CD63: variants seen among roughly 807,000 people sequenced by gnomAD.
CD63 encodes the protein CD63 molecule.
Under a neutral mutation model 29.2 loss-of-function variants are expected in CD63, and 16 were observed. The ratio of observed to expected loss-of-function variants is 0.55; its 90% CI spans 0.37 to 0.83. CD63 has a LOEUF of 0.83. Ranked by LOEUF, CD63 falls within the 40% of genes least tolerant of loss-of-function variation. The pLI, the probability that CD63 is intolerant of heterozygous loss-of-function variation, is 0.00. For synonymous variants in CD63, 118 were observed against 111.7 expected (o/e 1.06, Z -0.36); for missense variants, 251 against 297.3 (o/e 0.84, Z 1.15).
intron 3 of CD63, 70 bp downstream of exon 3, chr12:55,727,081 C>T (rs1877476538): frequency 6.4e-7 from 1 of 1,565,242 alleles, no homozygotes; most frequent in Non-Finnish European, 8.7e-7. Flanking sequence ...ACCTCACCCA[C>T]CTTCCTGAGC....
Position 55,728,430 on chromosome 12 carries a change from G to A in CD63, c.-11-78C>T, listed in dbSNP as rs1877660477. The A allele has an allele frequency of 1.9e-6, 3 of 1,541,548 alleles. No homozygotes were observed. Among genetic ancestry groups the A allele is most frequent in the Non-Finnish European group, 2.6e-6 (3 of 1,143,828 alleles). On this transcript the variant is annotated intron_variant, in intron 1 of 7. Coordinates refer to ENST00000257857, the MANE Select transcript of CD63 (RefSeq NM_001780.6). This position sits in a 1 kb window ranked among gnomAD's most constrained non-coding sequence, Gnocchi z 4.8. ...GTTTCCGGGCTCCCGGCCGGCCCTC[G>A]AGGGCTTCCCTTCACGGCCCCGATT...
At chr12:55,724,050 G>T (rs987261718), downstream of CD63, 1 of 1,608,664 alleles carries the variant, frequency 6.2e-7, no homozygotes, top group Non-Finnish European at 8.5e-7. Flanking sequence ...CTCACCAAGT[G>T]TGAGTAGCCA....
Position 55,727,158 on chromosome 12 carries a change from A to G in CD63, c.248T>C (p.Met83Thr), listed in dbSNP as rs1414939691. ...CGACKENYCLMITFAIFLSLI... is the reference protein window; with the variant it reads ...CGACKENYCLTITFAIFLSLI... ...GTCCCGCCCCCAACTCACCGTGATC[A>G]TAAGACAATAGTTCTCCTTGCAGGC... Residue 83 changes from methionine (M) to threonine (T), a missense_variant, in exon 3 of 8, where the codon ATG becomes ACG. Physicochemically the swap from Met to Thr is moderately conservative, Grantham distance 81. Transcript: ENST00000257857. 6.8e-6 allele frequency: 11 copies of G among 1,612,942 alleles called. No homozygotes were observed. The highest frequency in any genetic ancestry group is 1.3e-5 in the African/African-American group (1 of 74,834).
At position 55,728,887 on chromosome 12, in the gene CD63, G is replaced by A. The variant is rs896778740; in HGVS notation, c.-12+66C>T. The A allele has an allele frequency of 2.0e-6, 2 of 987,452 alleles. No individual in the cohort carries two copies. Among genetic ancestry groups the A allele is most frequent in the Non-Finnish European group, 2.4e-6 (2 of 830,990 alleles). The allele number at this position is 987,452 out of a possible 1,614,324, so 61.2% of individuals were successfully genotyped here. On this transcript the variant is annotated intron_variant, in intron 1 of 7. Coordinates refer to ENST00000257857, the MANE Select transcript of CD63 (RefSeq NM_001780.6). The surrounding 1 kb of genome is among the most constrained non-coding windows in gnomAD (Gnocchi z 4.8). ...CTCCGCGGGCCTGGGGCGAGCCCTG[G>A]AGGAAGGGACTGCGGGTGGTCTCTC... is the stretch of plus-strand genomic sequence containing the variant.
Position 55,728,463 on chromosome 12 carries a change from C to G in CD63, c.-11-111G>C. Reference sequence around the variant, plus strand: ...CCCTTCACGGCCCCGATTCCCGGCCCCTCCCACCCGGAAACCCGCGGTCGG... The same window carrying G: ...CCCTTCACGGCCCCGATTCCCGGCCGCTCCCACCCGGAAACCCGCGGTCGG... On this transcript the variant is annotated intron_variant, in intron 1 of 7. Coordinates refer to ENST00000257857, the MANE Select transcript of CD63 (RefSeq NM_001780.6). This position sits in a 1 kb window ranked among gnomAD's most constrained non-coding sequence, Gnocchi z 4.8. The G allele has an allele frequency of 1.3e-6, 2 of 1,505,498 alleles. No homozygotes were observed. Among genetic ancestry groups the G allele is most frequent in the South Asian group, 2.5e-5 (2 of 78,616 alleles). 93.3% of individuals were successfully genotyped at this position (1,505,498 alleles called of 1,614,324 possible).
chr12:55,726,331 ATTCT>A, intron 5 of CD63, 70 bp from the exon 6 acceptor site: 13 of 555,226 alleles, frequency 2.3e-5, no homozygotes, highest in East Asian at 1.1e-4. Context: ...GGAGATGAGA[ATTCT>A]TTTTTTTTTT....
Position 55,727,255 on chromosome 12 carries a change from A to C in CD63, c.151T>G (p.Ser51Ala). The C allele has an allele frequency of 6.2e-7, 1 of 1,613,878 alleles. No homozygotes were observed. Reference sequence around the variant, plus strand: ...GCGATGATGACCACTGGCAACAGAGAGCCAGGGGTAGCCCCCTGGATTATG... The same window carrying C: ...GCGATGATGACCACTGGCAACAGAGCGCCAGGGGTAGCCCCCTGGATTATG... ...QTIIQGATPG[S>A]LLPVVIIAVG... Residue 51 changes from serine to alanine, a missense_variant, in exon 3 of 8, where the codon TCT becomes GCT. By Grantham distance (99) the Ser-to-Ala change is moderately conservative. Coordinates refer to ENST00000257857, the MANE Select transcript of CD63 (RefSeq NM_001780.6).
intron 5 of CD63, 104 bp downstream of exon 5, chr12:55,726,596 C>A: frequency 2.2e-6 from 2 of 899,402 alleles, no homozygotes; most frequent in Admixed American, 1.8e-5. Context: ...CTGCCCACCT[C>A]GGCCTTCAAA....
In CD63 at chr12:55,728,724, C is replaced by T; in HGVS notation, c.-12+229G>A. The T allele has an allele frequency of 9.6e-7, 1 of 1,039,192 alleles. No homozygotes were observed. 64.4% of individuals were successfully genotyped at this position (1,039,192 alleles called of 1,614,324 possible). ...AGCCCAACCCCGACCCCCGCCCCAG[C>T]CCCTTTCCCCTGGGCTCTGACCTCC... is the stretch of plus-strand genomic sequence containing the variant. On this transcript the variant is annotated intron_variant, in intron 1 of 7. Coordinates refer to ENST00000257857, the MANE Select transcript of CD63 (RefSeq NM_001780.6). The surrounding 1 kb of genome is among the most constrained non-coding windows in gnomAD (Gnocchi z 4.8).
upstream of CD63, chr12:55,729,631 C>G (rs1030432426): frequency 6.6e-6 from 1 of 152,248 alleles, no homozygotes; most frequent in Admixed American, 6.5e-5. Context: ...TTCTGGCCCC[C>G]CTCTATTAGC....
chr12:55,726,858 G>A (rs774724781), intron 4 of CD63, 32 bp downstream of exon 4: 4 of 1,609,324 alleles, frequency 2.5e-6, no homozygotes, highest in Non-Finnish European at 8.5e-7. Context: ...AGACCCGGCT[G>A]AGGCAGGCCC....
At position 55,728,758 on chromosome 12, in the gene CD63, CAA is replaced by C. The variant is rs547401184; in HGVS notation, c.-12+193_-12+194del. The C allele has an allele frequency of 2.2e-3, 1,834 of 840,788 alleles. No homozygotes were observed. The highest frequency in any genetic ancestry group is 2.9e-3 in the South Asian group (55 of 18,778). The allele number at this position is 840,788 out of a possible 1,614,324, so 52.1% of individuals were successfully genotyped here. A position where few individuals can be genotyped will look rare whatever the true frequency, so the allele number is the denominator to read the frequency against. On this transcript the variant is annotated intron_variant, in intron 1 of 7. Transcript: ENST00000257857. This position sits in a 1 kb window ranked among gnomAD's most constrained non-coding sequence, Gnocchi z 4.8. ...CCTGGGCTCTGACCTCCCCGCCCAC[CAA>C]AAAAAAAAAAAGTGCAGCCAGCACC...
At position 55,726,684 on chromosome 12, in the gene CD63, C is replaced by T. The variant is rs1877412932; in HGVS notation, c.426+16G>A. On this transcript the variant is annotated intron_variant, in intron 5 of 7. Transcript: ENST00000257857. ...TCTCTATTCCCACCACCCCTGCTCC[C>T]AGCAACCCCACTCACATCTGCCTGC... The T allele has an allele frequency of 6.2e-7, 1 of 1,603,956 alleles. No homozygotes were observed. Among genetic ancestry groups the T allele is most frequent in the Admixed American group, 1.7e-5 (1 of 60,012 alleles).
chr12:55,725,583 C>G lies in CD63; in HGVS notation c.695G>C (p.Arg232Thr). ...VFACCLVKSI[R>T]SGYEVM ...CCCCTACATCACCTCGTAGCCACTT[C>G]TGATACTCTTCACGAGGCAGCAGGC... The change falls in exon 8 of 8, where the codon AGA becomes ACA. Residue 232 changes from arginine (R) to threonine (T), a missense_variant. By Grantham distance (71) the Arg-to-Thr change is moderately conservative. Coordinates refer to ENST00000257857, the MANE Select transcript of CD63 (RefSeq NM_001780.6). 6.2e-7 allele frequency: 1 copy of G among 1,614,104 alleles called. No homozygotes were observed. The highest frequency in any genetic ancestry group is 8.5e-7 in the Non-Finnish European group (1 of 1,180,020).
Position 55,725,613 on chromosome 12 carries a change from A to G in CD63, c.665T>C (p.Val222Ala). Residue 222 changes from valine (V) to alanine (A), a missense_variant, in exon 8 of 8, where the codon GTC (valine) becomes GCC (alanine). Coordinates refer to ENST00000257857, the MANE Select transcript of CD63 (RefSeq NM_001780.6). ...GIAFVEVLGI[V>A]FACCLVKSIR... Reference sequence around the variant, plus strand: ...ACTCTTCACGAGGCAGCAGGCAAAGACAATTCCCAAAACCTAGAAGGAAAG... The same window carrying G: ...ACTCTTCACGAGGCAGCAGGCAAAGGCAATTCCCAAAACCTAGAAGGAAAG... The G allele has an allele frequency of 4.3e-6, 7 of 1,614,102 alleles. No individual in the cohort carries two copies. Among genetic ancestry groups the G allele is most frequent in the Non-Finnish European group, 5.9e-6 (7 of 1,180,008 alleles).
downstream of CD63, chr12:55,723,838 C>T: frequency 6.2e-7 from 1 of 1,606,676 alleles, no homozygotes; most frequent in African/African-American, 1.3e-5. Flanking sequence ...TCAAAGTCCC[C>T]TCCCTATAGG....
At position 55,726,108 on chromosome 12, in the gene CD63, G is replaced by T; in HGVS notation, c.567+13C>A. 6.2e-7 allele frequency: 1 copy of T among 1,613,638 alleles called. No homozygotes were observed. The highest frequency in any genetic ancestry group is 8.5e-7 in the Non-Finnish European group (1 of 1,179,796). On this transcript the variant is annotated intron_variant, in intron 6 of 7. Transcript: ENST00000257857. ...CCAGGTTTCCCAAGTCCCATACACA[G>T]TCTCCTCCCTACCTCCTTATGGATC...
Position 55,725,576 on chromosome 12 carries a change from G to A in CD63, c.702C>T (p.Gly234=). The change falls in exon 8 of 8, where the codon GGC becomes GGT. Residue 234 remains glycine, a synonymous_variant. Transcript: ENST00000257857. ...GACCAGACCCCTACATCACCTCGTA[G>A]CCACTTCTGATACTCTTCACGAGGC... ...ACCLVKSIRS[G]YEVM The A allele has an allele frequency of 1.9e-6, 3 of 1,613,948 alleles. No individual in the cohort carries two copies. The highest frequency in any genetic ancestry group is 2.5e-6 in the Non-Finnish European group (3 of 1,179,918).
intron 2 of CD63, chr12:55,727,776 T>G: frequency 9.7e-7 from 1 of 1,027,858 alleles, no homozygotes; most frequent in Non-Finnish European, 1.2e-6. Context: ...GGAGCAAGAG[T>G]GATGTGTCCC....
Sources: gnomAD v4.1 joint callset for allele counts on GRCh38, gnomAD v4.1.1 for gene constraint, Gnocchi (gnomAD v3.1) non-coding constraint, MANE v1.5 for transcripts, NCBI Gene and HGNC (gene_info 2026-07-23, HGNC 2026-07-21) for gene names.